Variants in DOC2A observed in about 807,000 individuals in gnomAD.
DOC2A encodes double C2-like domain-containing protein alpha.
Under a neutral mutation model 40.6 loss-of-function variants are expected in DOC2A, and 28 were observed. That is an observed-to-expected ratio of 0.69 (90% CI 0.51 to 0.95). DOC2A has a LOEUF of 0.95. Ranked by LOEUF, DOC2A falls within the 40% of genes least tolerant of loss-of-function variation. The probability of loss-of-function intolerance (pLI) is 0.00; values close to 1 mark genes in which losing one functional copy is unlikely to be tolerated. For missense variants in DOC2A, 474 were observed against 552.5 expected, an observed-to-expected ratio of 0.86 and a Z score of 1.42; for synonymous variants, 241 against 236.9, an observed-to-expected ratio of 1.02 and a Z score of -0.16.
At chr16:30,021,451 G>T (rs2070907268), upstream of DOC2A, 1 of 152,384 alleles carries the variant, frequency 6.6e-6, no homozygotes, top group Non-Finnish European at 1.5e-5. Context: ...AGAGATGGGA[G>T]ATGGGGTGGC....
Position 30,009,869 on chromosome 16 carries a change from C to A in DOC2A, c.262+92G>T. On this transcript the variant is annotated intron_variant, in intron 2 of 10. Transcript: ENST00000350119. The surrounding 1 kb of genome is among the most constrained non-coding windows in gnomAD (Gnocchi z 4.1). ...ACTGCCCTCCTCCCCTACCTACATGCACAGCCAGCAGGGCCCATCCCCCTC... is the reference window on the plus strand; with the variant it reads ...ACTGCCCTCCTCCCCTACCTACATGAACAGCCAGCAGGGCCCATCCCCCTC... 7.1e-7 allele frequency: 1 copy of A among 1,418,018 alleles called. No homozygotes were observed. The highest frequency in any genetic ancestry group is 9.9e-7 in the Non-Finnish European group (1 of 1,013,222). The allele number at this position is 1,418,018 out of a possible 1,614,324, so 87.8% of individuals were successfully genotyped here. A position where few individuals can be genotyped will look rare whatever the true frequency, so the allele number is the denominator to read the frequency against.
In DOC2A at chr16:30,006,322, G is replaced by C; in HGVS notation, c.1067C>G (p.Ser356Cys). 6.2e-7 allele frequency: 1 copy of C among 1,611,800 alleles called. No individual in the cohort carries two copies. Residue 356 changes from serine to cysteine, a missense_variant, in exon 11 of 11, where the codon TCC becomes TGC. Physicochemically the swap from Ser to Cys is moderately radical, Grantham distance 112. Transcript: ENST00000350119. The surrounding 1 kb of genome is among the most constrained non-coding windows in gnomAD (Gnocchi z 6.2). ...GKSNDFIGGV[S>C]LGPGARGEAR... ...CTCGCCTCGGGCACCTGGCCCCAGG[G>C]ACACGCCACCTGGGGAGCAGGTGGG...
chr16:30,014,000 C>A (rs2070828160), upstream of DOC2A, among the ~76,000 whole-genome samples: 1 of 152,030 alleles, frequency 6.6e-6, no homozygotes, highest in Admixed American at 6.5e-5. Context: ...CAGCTGTGAG[C>A]CACCGCGCCT....
In DOC2A at chr16:30,006,180, G is replaced by C; in HGVS notation, c.*6C>G. The stretch of plus-strand genomic sequence containing the variant: ...GATGGGCCTGTGCCGGGACACTGCT[G>C]TCCACTCAGGCTGAGGACAGAGCCC... On this transcript the variant is annotated 3_prime_UTR_variant, in exon 11 of 11. Transcript: ENST00000350119. The surrounding 1 kb of genome is among the most constrained non-coding windows in gnomAD (Gnocchi z 6.2). The C allele has an allele frequency of 6.3e-7, 1 of 1,575,898 alleles. No homozygotes were observed. Among genetic ancestry groups the C allele is most frequent in the Non-Finnish European group, 8.6e-7 (1 of 1,161,990 alleles).
At position 30,009,120 on chromosome 16, in the gene DOC2A, T is replaced by C. The variant is rs2070702491; in HGVS notation, c.418-15A>G. The C allele has an allele frequency of 2.5e-6, 4 of 1,612,060 alleles. No individual in the cohort carries two copies. Among genetic ancestry groups the C allele is most frequent in the South Asian group, 2.2e-5 (2 of 91,050 alleles). On this transcript the variant is annotated splice_polypyrimidine_tract_variant and intron_variant, in intron 4 of 10. Transcript: ENST00000350119. This position sits in a 1 kb window ranked among gnomAD's most constrained non-coding sequence, Gnocchi z 4.1. ...AGCTTATTGGCCTGGGATGTGGGGA[T>C]GAAAGGTTCTCAATACCTGTCCTCC...
In DOC2A at chr16:30,010,443, C is replaced by G. The variant is rs2070748554; in HGVS notation, c.-13-208G>C. The G allele has an allele frequency of 4.6e-6, 3 of 653,176 alleles. No individual in the cohort carries two copies. Among genetic ancestry groups the G allele is most frequent in the Non-Finnish European group, 8.1e-6 (3 of 371,694 alleles). 40.5% of individuals were successfully genotyped at this position (653,176 alleles called of 1,614,324 possible). A position where few individuals can be genotyped will look rare whatever the true frequency, so the allele number is the denominator to read the frequency against. ...CTCCACAGGGGCTGGGCTGCCAACC[C>G]ACTCCTTGCAGAAGTCGAGGTTGCA... On this transcript the variant is annotated intron_variant, in intron 1 of 10. Coordinates refer to ENST00000350119, the MANE Select transcript of DOC2A (RefSeq NM_003586.3). This position sits in a 1 kb window ranked among gnomAD's most constrained non-coding sequence, Gnocchi z 4.2.
At chr16:30,016,062 T>A (rs1322693177), upstream of DOC2A, among the ~76,000 whole-genome samples, 2 of 53,528 alleles carry the variant, frequency 3.7e-5, no homozygotes, top group African/African-American at 5.5e-5. Flanking sequence ...TATATTTTTT[T>A]TTTTTTTTTT....
chr16:30,023,222 T>A (rs61732599), upstream of DOC2A: 2,955 of 828,706 alleles, frequency 3.6e-3, 60 homozygotes, highest in African/African-American at 0.045. Context: ...CCTCTTCTGA[T>A]GAGAGTGAGG....
At position 30,009,003 on chromosome 16, in the gene DOC2A, C is replaced by T; in HGVS notation, c.520G>A (p.Val174Met). 2.5e-6 allele frequency: 4 copies of T among 1,612,834 alleles called. No homozygotes were observed. Among genetic ancestry groups the T allele is most frequent in the Non-Finnish European group, 3.4e-6 (4 of 1,179,232 alleles). ...GGGGAGGGGGGCCCTCACCTGAGCA[C>T]CTTGTGCGTGATGTCGTCATCTGTG... ...GITDDDITHKVLRIAVCDEDK... is the reference protein window; with the variant it reads ...GITDDDITHKMLRIAVCDEDK... Residue 174 changes from valine (V) to methionine (M), a missense_variant, in exon 5 of 11, where the codon GTG (valine) becomes ATG (methionine). Coordinates refer to ENST00000350119, the MANE Select transcript of DOC2A (RefSeq NM_003586.3). The surrounding 1 kb of genome is among the most constrained non-coding windows in gnomAD (Gnocchi z 4.1).
chr16:30,016,746 C>T (rs1334631981), upstream of DOC2A, among the ~76,000 whole-genome samples: 2 of 152,142 alleles, frequency 1.3e-5, no homozygotes, highest in African/African-American at 2.4e-5. Flanking sequence ...GACTGAATAT[C>T]GACTATAGAT....
chr16:30,012,712 G>A (rs2070804754), upstream of DOC2A: 1 of 149,496 alleles, frequency 6.7e-6, no homozygotes, highest in Non-Finnish European at 1.5e-5. Context: ...TAAGAGAAAT[G>A]TAAAGTCAAC....
At chr16:30,013,035 A>T (rs1032187121), upstream of DOC2A, among the ~76,000 whole-genome samples, 4 of 151,732 alleles carry the variant, frequency 2.6e-5, no homozygotes, top group African/African-American at 9.7e-5. Context: ...CTGAGATATC[A>T]CTTATTACCC....
At chr16:30,008,958 C>T in intron 5 of DOC2A, 38 bp downstream of exon 5, 1 of 1,399,284 alleles carries the variant, frequency 7.1e-7, no homozygotes, top group Middle Eastern at 2.2e-4. Context: ...TCAGCTGTCC[C>T]CGAGCTGCTG....
In DOC2A at chr16:30,005,539, CA is replaced by C; in HGVS notation, c.*646del. 4.3e-6 allele frequency: 5 copies of C among 1,154,204 alleles called. No homozygotes were observed. The highest frequency in any genetic ancestry group is 6.3e-6 in the Non-Finnish European group (5 of 798,784). 71.5% of individuals were successfully genotyped at this position (1,154,204 alleles called of 1,614,324 possible). A position where few individuals can be genotyped will look rare whatever the true frequency, so the allele number is the denominator to read the frequency against. On this transcript the variant is annotated 3_prime_UTR_variant, in exon 11 of 11. Coordinates refer to ENST00000350119, the MANE Select transcript of DOC2A (RefSeq NM_003586.3). ...TTCCTCGGAGGTGTTTATTGATGCC[CA>C]GCTGCCATGCTCCGGCCACTGACAC...
At chr16:30,016,055 A>ATATAT (rs1163519904), upstream of DOC2A, among the ~76,000 whole-genome samples, 85 of 16,886 alleles carry the variant, frequency 5.0e-3, no homozygotes, top group Non-Finnish European at 6.6e-3. Context: ...ATATATATAT[A>ATATAT]TTTTTTTTTT....
intron 5 of DOC2A, 100 bp from the exon 6 acceptor site, chr16:30,007,399 C>G: frequency 1.3e-6 from 2 of 1,537,382 alleles, no homozygotes; most frequent in Non-Finnish European, 1.8e-6. Flanking sequence ...CTAAACACTA[C>G]GTCTCATCTG....
Position 30,007,174 on chromosome 16 carries a change from G to A in DOC2A, c.653C>T (p.Pro218Leu), listed in dbSNP as rs1485174083. Residue 218 changes from proline to leucine, a missense_variant and splice_region_variant, in exon 6 of 11, where the codon CCG becomes CTG. By Grantham distance (98) the Pro-to-Leu change is moderately conservative (BLOSUM62 -3). Coordinates refer to ENST00000350119, the MANE Select transcript of DOC2A (RefSeq NM_003586.3). ...HFNICLERQVPLASPSSMSAA... is the reference protein window; with the variant it reads ...HFNICLERQVLLASPSSMSAA... The stretch of plus-strand genomic sequence containing the variant: ...CGCCCCTGCAGCCCCCACACAGACC[G>A]GGACCTGGCGCTCGAGGCAGATGTT... 3.1e-5 allele frequency: 50 copies of A among 1,613,850 alleles called. No homozygotes were observed. Among genetic ancestry groups the A allele is most frequent in the African/African-American group, 6.7e-5 (5 of 74,930 alleles).
At chr16:30,022,466 T>C (rs1337372916), upstream of DOC2A, among the ~76,000 whole-genome samples, 1 of 151,936 alleles carries the variant, frequency 6.6e-6, no homozygotes, top group African/African-American at 2.4e-5. Flanking sequence ...AGGCCAGAAG[T>C]TCGAAACCAG....
chr16:30,011,997 G>GC (rs1167657695), upstream of DOC2A, among the ~76,000 whole-genome samples: 1 of 151,908 alleles, frequency 6.6e-6, no homozygotes, highest in African/African-American at 2.4e-5. Context: ...CCGCCCCCCT[G>GC]CCCGGCCCTG....
Sources: allele counts gnomAD v4.1 joint callset (sites outside exome capture counted in the v4.1 genomes callset), GRCh38; gene constraint gnomAD v4.1.1; non-coding constraint Gnocchi (gnomAD v3.1); transcripts MANE v1.5; gene names NCBI Gene and HGNC (gene_info 2026-07-23, HGNC 2026-07-21).